Variants in OSBPL9 observed in about 807,000 individuals in gnomAD.
OSBPL9 encodes oxysterol-binding protein-related protein 9.
OSBPL9 carries 40 observed loss-of-function variants against 106.6 expected under a neutral mutation model. That is an observed-to-expected ratio of 0.38 (90% CI 0.29 to 0.49). The LOEUF is 0.49. Among genes scored for constraint, OSBPL9 ranks in the 20% least tolerant of loss-of-function variants. The probability of loss-of-function intolerance (pLI) is 0.97; values close to 1 mark genes in which losing one functional copy is unlikely to be tolerated. For synonymous variants in OSBPL9, 269 were observed against 295.4 expected (o/e 0.91, Z 0.92); for missense variants, 609 against 887.2 (o/e 0.69, Z 3.98).
chr1:51,716,930 C>T (rs1661170194), intron 4 of OSBPL9, among the ~76,000 whole-genome samples: 1 of 152,052 alleles, frequency 6.6e-6, no homozygotes, highest in South Asian at 2.1e-4. Context: ...GATGAGGAAG[C>T]TCCTACTACA....
chr1:51,634,911 T>C (rs1354541056), intron 1 of OSBPL9, among the ~76,000 whole-genome samples: 4 of 152,194 alleles, frequency 2.6e-5, no homozygotes, highest in African/African-American at 9.7e-5. Context: ...AAAACCATCA[T>C]ATCTCATGAG....
chr1:51,654,394 C>T (rs1486808989), intron 2 of OSBPL9, among the ~76,000 whole-genome samples: 2 of 152,052 alleles, frequency 1.3e-5, no homozygotes, highest in African/African-American at 4.8e-5. Context: ...TTTGGTTACC[C>T]AGTGGTGCAG....
At chr1:51,571,190 C>G in the OSBPL9 span, among the ~76,000 whole-genome samples, 3,907 of 152,158 alleles carry the variant, frequency 0.026, 111 homozygotes, top group East Asian at 0.11. Flanking sequence ...ACAGGTGCAT[C>G]TTTATATTCC....
chr1:51,578,117 AC>A (rs1645197426), intron 1 of OSBPL9, among the ~76,000 whole-genome samples: 1 of 152,228 alleles, frequency 6.6e-6, no homozygotes, highest in Non-Finnish European at 1.5e-5. Flanking sequence ...CAGAGTAATA[AC>A]GAAAAATATT....
At chr1:51,524,556 T>C in the OSBPL9 span, among the ~76,000 whole-genome samples, 16 of 152,244 alleles carry the variant, frequency 1.1e-4, no homozygotes, top group Non-Finnish European at 1.9e-4. Flanking sequence ...TTTTTCTTCC[T>C]ACTGGAGAAC....
intron 10 of OSBPL9, among the ~76,000 whole-genome samples, chr1:51,761,259 T>C (rs1020400945): frequency 1.3e-5 from 2 of 151,850 alleles, no homozygotes; most frequent in African/African-American, 4.8e-5. Context: ...TGTTTTGTTT[T>C]TTTTTTTTTT....
chr1:51,699,984 G>GT (rs1557705579), intron 3 of OSBPL9, among the ~76,000 whole-genome samples: 1 of 152,132 alleles, frequency 6.6e-6, no homozygotes, highest in African/African-American at 2.4e-5. Context: ...AAATAATTCT[G>GT]TTTTTTCCCT....
intron 16 of OSBPL9, among the ~76,000 whole-genome samples, chr1:51,781,907 G>A (rs564966251): frequency 6.6e-6 from 1 of 152,252 alleles, no homozygotes; most frequent in African/African-American, 2.4e-5. Context: ...CTGTGAAGCT[G>A]TCAAGTAGGG....
chr1:51,742,311 G>GCT (rs1392146879), intron 4 of OSBPL9, among the ~76,000 whole-genome samples: 1 of 152,120 alleles, frequency 6.6e-6, no homozygotes, highest in Admixed American at 6.5e-5. Flanking sequence ...GTTCTCAAAA[G>GCT]CTACTGTAAG....
chr1:51,748,437 A>C (rs1039627095), intron 7 of OSBPL9, 39 bp downstream of exon 7: 1 of 1,441,280 alleles, frequency 6.9e-7, no homozygotes, highest in African/African-American at 1.5e-5. Flanking sequence ...TTTGCATTAG[A>C]AAATGTTTTA....
At chr1:51,667,126 T>G (rs1570931381) in intron 2 of OSBPL9, among the ~76,000 whole-genome samples, 1 of 152,166 alleles carries the variant, frequency 6.6e-6, no homozygotes, top group African/African-American at 2.4e-5. Context: ...GGTGACTTGT[T>G]GAGCTTACAT....
At chr1:51,726,593 G>A (rs1010591180) in intron 4 of OSBPL9, among the ~76,000 whole-genome samples, 1 of 151,904 alleles carries the variant, frequency 6.6e-6, no homozygotes, top group Non-Finnish European at 1.5e-5. Flanking sequence ...ATAGGTAATA[G>A]GCACGGCCTA....
At chr1:51,712,255 A>G (rs1442812933) in intron 3 of OSBPL9, among the ~76,000 whole-genome samples, 5 of 152,192 alleles carry the variant, frequency 3.3e-5, no homozygotes, top group South Asian at 2.1e-4. Flanking sequence ...CACCAAAACC[A>G]GTCAGGCGTG....
At chr1:51,671,403 C>A (rs916406263) in intron 3 of OSBPL9, among the ~76,000 whole-genome samples, 5 of 151,946 alleles carry the variant, frequency 3.3e-5, no homozygotes, top group African/African-American at 1.2e-4. Flanking sequence ...TTGAATACAC[C>A]AGTTTTTTTT....
intron 2 of OSBPL9, among the ~76,000 whole-genome samples, chr1:51,663,052 A>G (rs1488619194): frequency 2.0e-5 from 3 of 152,130 alleles, no homozygotes; most frequent in African/African-American, 7.2e-5. Flanking sequence ...CCAATCAGTG[A>G]TATTTCTGTA....
chr1:51,656,269 A>G (rs1646808498), intron 2 of OSBPL9, among the ~76,000 whole-genome samples: 1 of 152,204 alleles, frequency 6.6e-6, no homozygotes, highest in Non-Finnish European at 1.5e-5. Flanking sequence ...TATAGGAAAC[A>G]GTAACTGCTA....
chr1:51,638,303 GACT>G (rs1295979548), intron 1 of OSBPL9, among the ~76,000 whole-genome samples: 2 of 152,180 alleles, frequency 1.3e-5, no homozygotes, highest in African/African-American at 4.8e-5. Flanking sequence ...GTGAGTCTGT[GACT>G]ACTCAAGAGT....
At chr1:51,609,160 T>C (rs1225710352) in intron 2 of OSBPL9, among the ~76,000 whole-genome samples, 2 of 152,168 alleles carry the variant, frequency 1.3e-5, no homozygotes, top group East Asian at 1.9e-4. Context: ...AGGCCTTAGC[T>C]TTCTCAAGCC....
chr1:51,559,252 C>A, the OSBPL9 span, among the ~76,000 whole-genome samples: 1 of 151,812 alleles, frequency 6.6e-6, no homozygotes, highest in Non-Finnish European at 1.5e-5. Context: ...GGGCAGGGAC[C>A]CCATGGTAAC....
Sources: gnomAD v4.1 joint callset for allele counts (sites outside exome capture counted in the v4.1 genomes callset) on GRCh38, gnomAD v4.1.1 for gene constraint, MANE v1.5 for transcripts, NCBI Gene and HGNC (gene_info 2026-07-23, HGNC 2026-07-21) for gene names.